Variants in SCN3B observed in about 807,000 individuals in gnomAD.
The protein encoded by SCN3B is sodium voltage-gated channel beta subunit 3, also known as sodium channel regulatory subunit beta-3.
In SCN3B, 11 loss-of-function variants were observed where a neutral mutation model predicts 25.4. That is an observed-to-expected ratio of 0.43 (90% confidence interval 0.27 to 0.72). The LOEUF (loss-of-function observed/expected upper bound fraction) is 0.72. Ranked by LOEUF, SCN3B falls within the 30% of genes least tolerant of loss-of-function variation. SCN3B has a pLI of 0.18. For synonymous variants in SCN3B, 109 were observed against 110.7 expected, an observed-to-expected ratio of 0.99 and a Z score of 0.09; for missense variants, 218 against 278.3, an observed-to-expected ratio of 0.78 and a Z score of 1.54.
rs1429862445 is a variant in SCN3B at position 123,653,755 on chromosome 11, A to G, written c.47T>C (p.Ile16Thr). 1 of 1,614,244 alleles carries G rather than the reference A, an allele frequency of 6.2e-7. No homozygotes were observed. The highest frequency in any genetic ancestry group is 8.5e-7 in the Non-Finnish European group (1 of 1,180,042). ...RLFPLASLVL[I>T]YWVSVCFPVC... ...GAGGTGCTGGTACTTACCCCAGTAG[A>G]TAAGCACGAGAGAAGCCAGGGGAAA... The change falls in exon 2 of 7, where the codon ATC (isoleucine) becomes ACC (threonine). Residue 16 changes from isoleucine (I) to threonine (T), a missense_variant. Physicochemically the swap from Ile to Thr is moderately conservative, Grantham distance 89. Coordinates refer to ENST00000299333, the MANE Select transcript of SCN3B (RefSeq NM_001040151.2).
chr11:123,650,058 T>C (rs1232701859), intron 2 of SCN3B, among the ~76,000 whole-genome samples: 1 of 152,170 alleles, frequency 6.6e-6, no homozygotes, highest in Admixed American at 6.5e-5. Flanking sequence ...AGGCTGTAAA[T>C]ATGGCAGGAG....
At chr11:123,635,891 T>C (rs1168142759) in intron 5 of SCN3B, among the ~76,000 whole-genome samples, 1 of 152,188 alleles carries the variant, frequency 6.6e-6, no homozygotes, top group East Asian at 1.9e-4. Context: ...CCTAAAACAC[T>C]TATTATCTGG....
chr11:123,651,893 T>C (rs957945664), intron 2 of SCN3B, among the ~76,000 whole-genome samples: 1 of 152,218 alleles, frequency 6.6e-6, no homozygotes, highest in Non-Finnish European at 1.5e-5. Flanking sequence ...ACCATTCATC[T>C]GTGGAGCTGA....
chr11:123,634,246 C>T (rs1281724702), intron 5 of SCN3B, 40 bp from the exon 6 acceptor site: 1 of 1,565,538 alleles, frequency 6.4e-7, no homozygotes, highest in Non-Finnish European at 8.8e-7. Context: ...AGCTTCAGTG[C>T]CCAGCGTGGG....
rs3862615 is a variant in SCN3B, at chr11:123,653,325, GTTT to G, written c.55+419_55+421del. On this transcript the variant is annotated intron_variant, in intron 2 of 6. Transcript: ENST00000299333. ...AAAATTCATGCATCCAGCTTTTATGGTTTTTTTTTTTTTTTAATATACAGAAAC... is the reference window on the plus strand; with the variant it reads ...AAAATTCATGCATCCAGCTTTTATGGTTTTTTTTTTTTAATATACAGAAAC... 2.7e-3 allele frequency among the ~76,000 whole-genome samples: 398 copies of G among 145,392 alleles called. 1 individual carries two copies. Among genetic ancestry groups the G allele is most frequent in the African/African-American group, 9.0e-3 (355 of 39,256 alleles).
chr11:123,653,599 T>G, intron 2 of SCN3B, 148 bp downstream of exon 2: 1 of 907,014 alleles, frequency 1.1e-6, no homozygotes, highest in South Asian at 1.4e-5. Context: ...CCAGCTCTCA[T>G]GGAACCCCTG....
rs548605623 is a variant in SCN3B, at chr11:123,641,553, G to A, written c.445+893C>T. On this transcript the variant is annotated intron_variant, in intron 4 of 6. Coordinates refer to ENST00000299333, the MANE Select transcript of SCN3B (RefSeq NM_001040151.2). The stretch of plus-strand genomic sequence containing the variant: ...CTTTTCCTTCATGCCCCACACTTTG[G>A]CCTGCTCACTAGCAGTGATAATGCT... Among the ~76,000 whole-genome samples the A allele has an allele frequency of 2.6e-5, 4 of 152,122 alleles. No individual in the cohort carries two copies. In the South Asian group the frequency reaches 6.2e-4, roughly 24 times the overall value.
chr11:123,653,921 T>C, intron 1 of SCN3B, 95 bp from the exon 2 acceptor site: 1 of 1,188,474 alleles, frequency 8.4e-7, no homozygotes, highest in Non-Finnish European at 1.3e-6. Context: ...GGCGACTTTC[T>C]GACCGAAGGA....
intron 2 of SCN3B, among the ~76,000 whole-genome samples, chr11:123,651,245 T>A (rs1189396922): frequency 3.3e-5 from 5 of 152,138 alleles, no homozygotes; most frequent in Non-Finnish European, 7.4e-5. Context: ...TTTCCCTTCA[T>A]ATTGTACATC....
rs553042856 is a variant in SCN3B, at chr11:123,653,810, G to A, written c.-9C>T. On this transcript the variant is annotated 5_prime_UTR_variant, in exon 2 of 7. Coordinates refer to ENST00000299333, the MANE Select transcript of SCN3B (RefSeq NM_001040151.2). ...CTATTGAAGGCAGGCATCTTCTGGG[G>A]CTGGCGGCTTCCAAGGCTACACAGA... 316 of 1,614,200 alleles carry A rather than the reference G, an allele frequency of 2.0e-4. 4 individuals carry two copies. In the South Asian group the frequency reaches 3.2e-3, roughly 16 times the overall value.
In SCN3B at chr11:123,634,160, C is replaced by A; in HGVS notation, c.631G>T (p.Val211Leu). The change falls in exon 6 of 7, where the codon GTA becomes TTA. Residue 211 changes from valine to leucine, a missense_variant. Val to Leu is a conservative substitution (Grantham distance 32). Coordinates refer to ENST00000299333, the MANE Select transcript of SCN3B (RefSeq NM_001040151.2). The part of the protein sequence containing the change: ...IPSENKENSA[V>L]PVEE The stretch of plus-strand genomic sequence containing the variant: ...CTCCTGTTCTATTCCTCCACTGGTA[C>A]CGCAGAGTTCTCCTTGTTCTCAGAT... 6.2e-7 allele frequency: 1 copy of A among 1,613,898 alleles called. No individual in the cohort carries two copies. Among genetic ancestry groups the A allele is most frequent in the Non-Finnish European group, 8.5e-7 (1 of 1,179,866 alleles).
intron 4 of SCN3B, chr11:123,640,936 A>C (rs922479021): frequency 1.3e-5 from 2 of 152,228 alleles, no homozygotes; most frequent in African/African-American, 2.4e-5. Context: ...CTCTGATAAT[A>C]AACTTGTTTT....
At chr11:123,648,975 A>AT (rs34285223) in intron 2 of SCN3B, among the ~76,000 whole-genome samples, 12,458 of 152,266 alleles carry the variant, frequency 0.082, 528 homozygotes, top group Middle Eastern at 0.11. Context: ...GAGAGGAAGA[A>AT]TGATGGGATC....
rs537341992 is a variant in SCN3B at position 123,633,595 on chromosome 11, G to A, written c.*204C>T. The A allele has an allele frequency of 3.6e-5, 7 of 194,984 alleles. No homozygotes were observed. The East Asian group carries it at 3.7e-4, about 10-fold the overall frequency. 12.1% of individuals were successfully genotyped at this position (194,984 alleles called of 1,614,324 possible). A position where few individuals can be genotyped will look rare whatever the true frequency, so the allele number is the denominator to read the frequency against. On this transcript the variant is annotated 3_prime_UTR_variant, in exon 7 of 7. Transcript: ENST00000299333. ...CAGTTCTGGCAGAGTCTTATGGTGC[G>A]TAGAGGTCTGATGGAGTTAGGGAGT... is the stretch of plus-strand genomic sequence containing the variant.
At chr11:123,647,032 A>G (rs572549947) in intron 2 of SCN3B, among the ~76,000 whole-genome samples, 1 of 152,322 alleles carries the variant, frequency 6.6e-6, no homozygotes, top group East Asian at 1.9e-4. Context: ...TGGCAGATGG[A>G]AGAGAAATTT....
chr11:123,645,913 C>T (rs769601008), intron 2 of SCN3B, among the ~76,000 whole-genome samples, 163 bp from the exon 3 acceptor site: 1 of 152,174 alleles, frequency 6.6e-6, no homozygotes, highest in Admixed American at 6.5e-5. Flanking sequence ...CCTTCACCTG[C>T]GCTCCCTGAA....
Position 123,645,753 on chromosome 11 carries a change from G to T in SCN3B, c.56-3C>A, listed in dbSNP as rs1591348235. 1 of 1,614,064 alleles carries T rather than the reference G, an allele frequency of 6.2e-7. No individual in the cohort carries two copies. Among genetic ancestry groups the T allele is most frequent in the South Asian group, 1.1e-5 (1 of 91,078 alleles). ...ACACACAGGGAAGCAGACACTGACT[G>T]CAGAGAGGACAGATGGACAGGGAAG... On this transcript the variant is annotated splice_region_variant and splice_polypyrimidine_tract_variant and intron_variant, in intron 2 of 6. Coordinates refer to ENST00000299333, the MANE Select transcript of SCN3B (RefSeq NM_001040151.2).
At chr11:123,645,366 C>A (rs1955842525) in intron 3 of SCN3B, among the ~76,000 whole-genome samples, 1 of 152,174 alleles carries the variant, frequency 6.6e-6, no homozygotes, top group Admixed American at 6.5e-5. Context: ...CCTCTGCTTC[C>A]TCCAGCCCAT....
At position 123,654,050 on chromosome 11, in the gene SCN3B, C is replaced by A. The variant is rs370826688; in HGVS notation, c.-26+176G>T. On this transcript the variant is annotated intron_variant, in intron 1 of 6. Coordinates refer to ENST00000299333, the MANE Select transcript of SCN3B (RefSeq NM_001040151.2). Reference sequence around the variant, plus strand: ...TCGAGGGAGCCGATCAGCCGCTCCGCGCCCGCTCTCGCCGGCGCTCAGCAC... The same window carrying A: ...TCGAGGGAGCCGATCAGCCGCTCCGAGCCCGCTCTCGCCGGCGCTCAGCAC... 3.6e-4 allele frequency: 207 copies of A among 571,262 alleles called. No homozygotes were observed. The East Asian group carries it at 4.5e-3, about 12-fold the overall frequency. The allele number at this position is 571,262 out of a possible 1,614,324, so 35.4% of individuals were successfully genotyped here.
Sources: allele counts gnomAD v4.1 joint callset (sites outside exome capture counted in the v4.1 genomes callset), GRCh38; gene constraint gnomAD v4.1.1; transcripts MANE v1.5; gene names NCBI Gene and HGNC (gene_info 2026-07-23, HGNC 2026-07-21).